The following DNAH17 variants were observed in gnomAD, a reference collection of about 807,000 sequenced individuals.
The protein encoded by DNAH17 is axonemal beta dynein heavy chain 17.
A neutral mutation model predicts 485.6 loss-of-function variants in DNAH17; 376 were observed. The ratio of observed to expected loss-of-function variants is 0.77; its 90% CI spans 0.71 to 0.84. The LOEUF is 0.84. DNAH17 is among the 40% of genes least tolerant of loss of function. DNAH17 has a pLI of 0.00. For synonymous variants in DNAH17, 3,031 were observed against 2,405.9 expected, an observed-to-expected ratio of 1.26 and a Z score of -7.60; for missense variants, 6,370 against 5,839.3, an observed-to-expected ratio of 1.09 and a Z score of -2.96.
chr17:78,475,564 G>A (rs996788030), intron 53 of DNAH17, 95 bp from the exon 54 acceptor site: 2 of 1,601,754 alleles, frequency 1.2e-6, no homozygotes, highest in South Asian at 2.2e-5. Context: ...TGTGCACTGT[G>A]TGCCACGCAG....
chr17:78,505,571 C>G (rs73380886), intron 30 of DNAH17, 126 bp from the exon 31 acceptor site: 6 of 1,234,026 alleles, frequency 4.9e-6, no homozygotes, highest in Non-Finnish European at 6.9e-6. Context: ...CTTTGATCAA[C>G]GTTGACTAAA....
intron 73 of DNAH17, among the ~76,000 whole-genome samples, chr17:78,438,609 C>T (rs145304894): frequency 0.084 from 12,649 of 150,406 alleles, 592 homozygotes; most frequent in Middle Eastern, 0.15. Flanking sequence ...AGCGATTTTC[C>T]TGCCTCAGCC....
At chr17:78,465,254 T>G (rs1430028155) in intron 56 of DNAH17, among the ~76,000 whole-genome samples, 2 of 152,004 alleles carry the variant, frequency 1.3e-5, no homozygotes, top group Non-Finnish European at 2.9e-5. Context: ...CAGGCTGGAG[T>G]GCAGTGGCGT....
intron 3 of DNAH17, among the ~76,000 whole-genome samples, chr17:78,572,280 A>G (rs539533269): frequency 3.9e-5 from 6 of 152,084 alleles, no homozygotes; most frequent in African/African-American, 1.2e-4. Flanking sequence ...GGGGCACCGC[A>G]GCCTCTACAC....
intron 17 of DNAH17, among the ~76,000 whole-genome samples, chr17:78,540,482 A>G (rs1361006585): frequency 3.2e-3 from 8 of 2,532 alleles, no homozygotes; most frequent in East Asian, 0.025. Flanking sequence ...TGGATGTGTG[A>G]GTGGGTGGGT....
chr17:78,563,229 G>T (rs879121298), intron 11 of DNAH17, among the ~76,000 whole-genome samples: 2 of 152,124 alleles, frequency 1.3e-5, no homozygotes, highest in African/African-American at 4.8e-5. Flanking sequence ...GAAAAAAATT[G>T]TCACCCTTGG....
At position 78,480,795 on chromosome 17, in the gene DNAH17, G is replaced by A; in HGVS notation, c.7650-9C>T. The A allele has an allele frequency of 1.1e-5, 18 of 1,604,438 alleles. No individual in the cohort carries two copies. The highest frequency in any genetic ancestry group is 1.5e-5 in the Non-Finnish European group (18 of 1,173,718). The stretch of plus-strand genomic sequence containing the variant: ...GCTTATGTCTGTCATACCTGAGGGG[G>A]GAAACCAGCATTCATGTTGTGCCCC... On this transcript the variant is annotated splice_polypyrimidine_tract_variant and intron_variant, in intron 48 of 80. Coordinates refer to ENST00000389840, the MANE Select transcript of DNAH17 (RefSeq NM_173628.4).
intron 11 of DNAH17, among the ~76,000 whole-genome samples, chr17:78,564,395 C>CAG (rs2092225001): frequency 1.3e-5 from 2 of 152,172 alleles, no homozygotes; most frequent in African/African-American, 4.8e-5. Context: ...ATCGGAACAG[C>CAG]AGCAGGGAGT....
At position 78,480,738 on chromosome 17, in the gene DNAH17, G is replaced by C; in HGVS notation, c.7698C>G (p.Tyr2566Ter). The change falls in exon 49 of 81, where the codon TAC becomes TAG. Residue 2566 changes from tyrosine to a stop codon, truncating the protein, a stop_gained. Coordinates refer to ENST00000389840, the MANE Select transcript of DNAH17 (RefSeq NM_173628.4). LOFTEE classifies it high-confidence loss of function. ...CGGAAGTGGGGTTCATGCAGGCCAC[G>C]TACTGACAATTATGGATATCTTTTA... Reference protein sequence around the residue: ...LTLKDIHNCQYVACMNPTSGS... With the variant: ...LTLKDIHNCQ 1 of 1,613,820 alleles carries C rather than the reference G, an allele frequency of 6.2e-7. No individual in the cohort carries two copies. Among genetic ancestry groups the C allele is most frequent in the Non-Finnish European group, 8.5e-7 (1 of 1,179,844 alleles).
intron 75 of DNAH17, among the ~76,000 whole-genome samples, chr17:78,430,836 C>T (rs1445928696): frequency 6.6e-6 from 1 of 151,988 alleles, no homozygotes; most frequent in Non-Finnish European, 1.5e-5. Flanking sequence ...CCTGCCTCAG[C>T]CTCCCAAAGT....
At chr17:78,547,519 A>G (rs1288401390) in intron 16 of DNAH17, among the ~76,000 whole-genome samples, 1 of 152,046 alleles carries the variant, frequency 6.6e-6, no homozygotes, top group Non-Finnish European at 1.5e-5. Flanking sequence ...TGGCCTGGAA[A>G]TCAGTTACCC....
intron 11 of DNAH17, among the ~76,000 whole-genome samples, chr17:78,563,024 G>A (rs932575071): frequency 6.6e-6 from 1 of 152,238 alleles, no homozygotes; most frequent in African/African-American, 2.4e-5. Flanking sequence ...ACTTGGGTCT[G>A]AGAAAGGTGA....
Position 78,454,494 on chromosome 17 carries a change from T to C in DNAH17, c.10382A>G (p.Lys3461Arg). ...WIKNKYRSEL[K>R]AIRLGQKSYL... is the part of the protein sequence containing the mutation. ...CCTCTTCTGTCCCAGGCGGATGGCT[T>C]TCAGTTCACTCCTGTATTTGTTTTT... The change falls in exon 64 of 81, where the codon AAA becomes AGA. Residue 3461 changes from lysine to arginine, a missense_variant. Coordinates refer to ENST00000389840, the MANE Select transcript of DNAH17 (RefSeq NM_173628.4). The C allele has an allele frequency of 6.2e-7, 1 of 1,613,246 alleles. No homozygotes were observed. Among genetic ancestry groups the C allele is most frequent in the Non-Finnish European group, 8.5e-7 (1 of 1,179,770 alleles).
At chr17:78,449,958 G>C (rs1279396904) in intron 68 of DNAH17, 1 of 488,060 alleles carries the variant, frequency 2.0e-6, no homozygotes, top group Non-Finnish European at 3.7e-6. Context: ...TGACAGGCAT[G>C]AGCCACCATG....
At chr17:78,532,307 G>A (rs781475983) in intron 20 of DNAH17, among the ~76,000 whole-genome samples, 175 bp downstream of exon 20, 5 of 152,168 alleles carry the variant, frequency 3.3e-5, no homozygotes, top group Non-Finnish European at 7.3e-5. Context: ...CCCCCTTCTT[G>A]GGAACTGTAA....
At chr17:78,545,062 TATC>T (rs1260409022) in intron 16 of DNAH17, among the ~76,000 whole-genome samples, 1 of 146,236 alleles carries the variant, frequency 6.8e-6, no homozygotes, top group Non-Finnish European at 1.5e-5. Flanking sequence ...CTGTCACTCT[TATC>T]ATTTACGGAC....
intron 25 of DNAH17, among the ~76,000 whole-genome samples, chr17:78,524,579 CTG>C (rs2091014758): frequency 1.3e-5 from 2 of 151,706 alleles, no homozygotes; most frequent in East Asian, 3.9e-4. Context: ...TCTGCCTTGA[CTG>C]TGGACTTCCC....
chr17:78,477,677 G>A (rs2089097041), intron 51 of DNAH17, among the ~76,000 whole-genome samples: 1 of 152,122 alleles, frequency 6.6e-6, no homozygotes. Flanking sequence ...GCACCCGGCT[G>A]GGCTGATACT....
rs142172521 is a variant in DNAH17, at chr17:78,559,823, C to G, written c.2031+917G>C. ...CCTTCCCCTTTGCCCATTCCCCCGCCCCACTGGCCTCCTTGCTGCTCCTGG... is the reference window on the plus strand; with the variant it reads ...CCTTCCCCTTTGCCCATTCCCCCGCGCCACTGGCCTCCTTGCTGCTCCTGG... On this transcript the variant is annotated intron_variant, in intron 13 of 80. Coordinates refer to ENST00000389840, the MANE Select transcript of DNAH17 (RefSeq NM_173628.4). Among the ~76,000 whole-genome samples the G allele has an allele frequency of 7.2e-3, 1,090 of 152,198 alleles. 5 individuals carry two copies. The highest frequency in any genetic ancestry group is 0.01 in the Non-Finnish European group (690 of 68,012).
Sources: gnomAD v4.1 joint callset for allele counts (sites outside exome capture counted in the v4.1 genomes callset) on GRCh38, gnomAD v4.1.1 for gene constraint, MANE v1.5 for transcripts, NCBI Gene and HGNC (gene_info 2026-07-23, HGNC 2026-07-21) for gene names.